PTPRK: variants seen among roughly 807,000 people sequenced by gnomAD.
The protein encoded by PTPRK is receptor-type tyrosine-protein phosphatase kappa.
In PTPRK, 75 loss-of-function variants were observed where a neutral mutation model predicts 178.0. The ratio of observed to expected loss-of-function variants is 0.42; its 90% CI spans 0.35 to 0.51. PTPRK has a LOEUF of 0.51. Among genes scored for constraint, PTPRK ranks in the 20% least tolerant of loss-of-function variants. PTPRK has a pLI of 0.02. For missense variants in PTPRK, 1,441 were observed against 1,797.8 expected (o/e 0.80, Z 3.59); for synonymous variants, 637 against 620.6 (o/e 1.03, Z -0.39).
chr6:128,077,788 T>G (rs969473729), intron 11 of PTPRK, among the ~76,000 whole-genome samples: 1 of 152,008 alleles, frequency 6.6e-6, no homozygotes, highest in Non-Finnish European at 1.5e-5. Flanking sequence ...TTAAAATGGT[T>G]GTAACAATTT....
At chr6:128,476,127 G>C (rs1851344273) in intron 1 of PTPRK, among the ~76,000 whole-genome samples, 1 of 151,962 alleles carries the variant, frequency 6.6e-6, no homozygotes, top group Non-Finnish European at 1.5e-5. Flanking sequence ...TGTCACCCAA[G>C]AACTACACTC....
intron 13 of PTPRK, among the ~76,000 whole-genome samples, chr6:128,035,793 T>A (rs1776109255): frequency 6.6e-6 from 1 of 151,986 alleles, no homozygotes; most frequent in Non-Finnish European, 1.5e-5. Context: ...CCCAGTTAGA[T>A]TAAGACTCTA....
chr6:128,327,559 G>A (rs1829743720), intron 2 of PTPRK, among the ~76,000 whole-genome samples: 1 of 152,070 alleles, frequency 6.6e-6, no homozygotes, highest in Admixed American at 6.5e-5. Context: ...CTGTCTCACA[G>A]TTTCTAAATG....
At chr6:128,244,041 G>T (rs1396576695) in intron 3 of PTPRK, among the ~76,000 whole-genome samples, 1 of 152,176 alleles carries the variant, frequency 6.6e-6, no homozygotes, top group Non-Finnish European at 1.5e-5. Context: ...TACTGACTCA[G>T]TTGTGAAATA....
chr6:128,309,129 T>G (rs1039583254), intron 3 of PTPRK, among the ~76,000 whole-genome samples: 6 of 152,230 alleles, frequency 3.9e-5, no homozygotes, highest in Non-Finnish European at 8.8e-5. Flanking sequence ...ATTCAAAGAT[T>G]TAATATTTTT....
intron 7 of PTPRK, among the ~76,000 whole-genome samples, chr6:128,169,677 A>G (rs1034577524): frequency 6.6e-6 from 1 of 152,034 alleles, no homozygotes; most frequent in African/African-American, 2.4e-5. Context: ...AAATAACTTT[A>G]ATGGCTAAAA....
chr6:128,083,186 A>G (rs1048694829), intron 9 of PTPRK, among the ~76,000 whole-genome samples: 1 of 152,118 alleles, frequency 6.6e-6, no homozygotes, highest in African/African-American at 2.4e-5. Context: ...CATTTGTGTA[A>G]CTTAAATGAT....
intron 1 of PTPRK, among the ~76,000 whole-genome samples, chr6:128,483,264 C>T (rs1479370761): frequency 3.3e-5 from 5 of 152,046 alleles, no homozygotes; most frequent in Non-Finnish European, 7.4e-5. Context: ...AAAAAAGCAG[C>T]ATGTCTTTCA....
chr6:128,502,587 A>C (rs1855719130), intron 1 of PTPRK, among the ~76,000 whole-genome samples: 1 of 152,188 alleles, frequency 6.6e-6, no homozygotes, highest in South Asian at 2.1e-4. Flanking sequence ...GGCTGGGCTG[A>C]AACCAGCCTA....
chr6:128,460,239 AATC>A (rs1480069425), intron 1 of PTPRK, among the ~76,000 whole-genome samples: 5 of 152,094 alleles, frequency 3.3e-5, no homozygotes, highest in African/African-American at 1.2e-4. Context: ...GTGGTTTGAA[AATC>A]ATCAAGAATG....
At chr6:127,984,613 G>T in intron 22 of PTPRK, among the ~76,000 whole-genome samples, 1 of 152,120 alleles carries the variant, frequency 6.6e-6, no homozygotes, top group African/African-American at 2.4e-5. Flanking sequence ...TTCTTAAGTT[G>T]AAAACCTATT....
intron 3 of PTPRK, among the ~76,000 whole-genome samples, chr6:128,283,593 A>G (rs1822015828): frequency 6.6e-6 from 1 of 152,216 alleles, no homozygotes; most frequent in Non-Finnish European, 1.5e-5. Context: ...ATAAAATATG[A>G]CCATTCCTAA....
At chr6:128,055,990 C>CTTTTTTTTTTTTTTTTTTTT (rs60796705) in intron 13 of PTPRK, among the ~76,000 whole-genome samples, 1 of 132,664 alleles carries the variant, frequency 7.5e-6, no homozygotes. Flanking sequence ...TTTTTCTTTT[C>CTTTTTTTTTTTTTTTTTTTT]TTTTTTTTTT....
In PTPRK at chr6:128,181,788, G is replaced by A. The variant is rs148105963; in HGVS notation, c.1162+2644C>T. On this transcript the variant is annotated intron_variant, in intron 7 of 29. Coordinates refer to ENST00000368226, the MANE Select transcript of PTPRK (RefSeq NM_002844.4). ...GGAAAGGTAAATGGATCTTAAAGAA[G>A]GGAAGTGGATGAACATACATCATAA... Among the ~76,000 whole-genome samples the A allele has an allele frequency of 3.2e-3, 491 of 152,138 alleles. 4 individuals are homozygous for A. Among genetic ancestry groups the A allele is most frequent in the African/African-American group, 0.011 (475 of 41,536 alleles).
intron 7 of PTPRK, among the ~76,000 whole-genome samples, chr6:128,170,675 T>C (rs530616426): frequency 5.3e-5 from 8 of 152,136 alleles, no homozygotes; most frequent in African/African-American, 1.7e-4. Context: ...CCATAATAGA[T>C]GCACATGTTG....
At chr6:128,015,250 T>A (rs1293732492) in intron 13 of PTPRK, among the ~76,000 whole-genome samples, 1 of 151,728 alleles carries the variant, frequency 6.6e-6, no homozygotes, top group East Asian at 1.9e-4. Context: ...GGAATGTATA[T>A]AATGGTAAAA....
intron 6 of PTPRK, among the ~76,000 whole-genome samples, chr6:128,204,640 G>A (rs1399518606): frequency 6.7e-6 from 1 of 150,152 alleles, no homozygotes. Flanking sequence ...AAGACATATA[G>A]GCAGCCAACA....
chr6:128,349,375 G>A (rs1832819093), intron 2 of PTPRK, among the ~76,000 whole-genome samples: 1 of 152,062 alleles, frequency 6.6e-6, no homozygotes, highest in African/African-American at 2.4e-5. Context: ...TACAATTGCA[G>A]ATGAATGAGA....
At chr6:128,247,946 T>C (rs1815779419) in intron 3 of PTPRK, among the ~76,000 whole-genome samples, 1 of 152,240 alleles carries the variant, frequency 6.6e-6, no homozygotes, top group Non-Finnish European at 1.5e-5. Flanking sequence ...ATGTTTTTTA[T>C]TTTAATATTT....
Sources: gnomAD v4.1 joint callset for allele counts (sites outside exome capture counted in the v4.1 genomes callset) on GRCh38, gnomAD v4.1.1 for gene constraint, MANE v1.5 for transcripts, NCBI Gene and HGNC (gene_info 2026-07-23, HGNC 2026-07-21) for gene names.